The following SEMA3E variants were observed in gnomAD, a reference collection of about 807,000 sequenced individuals.
The protein encoded by SEMA3E is semaphorin-3E.
SEMA3E carries 49 observed loss-of-function variants against 93.6 expected under a neutral mutation model. The ratio of observed to expected loss-of-function variants is 0.52; its 90% CI spans 0.42 to 0.66. SEMA3E has a LOEUF of 0.66. Among genes scored for constraint, SEMA3E ranks in the 30% least tolerant of loss-of-function variants. SEMA3E has a pLI of 0.00. For synonymous variants in SEMA3E, 363 were observed against 330.7 expected (o/e 1.10, Z -1.06); for missense variants, 906 against 964.8 (o/e 0.94, Z 0.81).
At chr7:83,431,103 A>AAGAG (rs1554324403) in intron 4 of SEMA3E, among the ~76,000 whole-genome samples, 1 of 147,334 alleles carries the variant, frequency 6.8e-6, no homozygotes, top group African/African-American at 2.5e-5. Context: ...AGAAAAAAAA[A>AAGAG]AAAAGCCCAA....
chr7:83,411,009 T>G (rs1788429416), intron 5 of SEMA3E, among the ~76,000 whole-genome samples: 1 of 152,104 alleles, frequency 6.6e-6, no homozygotes, highest in Non-Finnish European at 1.5e-5. Flanking sequence ...TTTGATTTTA[T>G]ATCTTAAAGT....
intron 1 of SEMA3E, among the ~76,000 whole-genome samples, chr7:83,546,130 CTTTTA>C (rs763224635): frequency 9.4e-5 from 14 of 148,752 alleles, no homozygotes; most frequent in Admixed American, 1.4e-4. Flanking sequence ...AAACTGCAGG[CTTTTA>C]TTTGGGAAAA....
At chr7:83,614,285 C>A (rs766510457) in intron 1 of SEMA3E, among the ~76,000 whole-genome samples, 1 of 152,072 alleles carries the variant, frequency 6.6e-6, no homozygotes, top group Non-Finnish European at 1.5e-5. Context: ...TTTTATTCCC[C>A]GTTCAGCACT....
chr7:83,645,880 G>A (rs1794073352), intron 1 of SEMA3E, among the ~76,000 whole-genome samples: 1 of 151,806 alleles, frequency 6.6e-6, no homozygotes, highest in African/African-American at 2.4e-5. Context: ...TTTTTTTTCT[G>A]AACATATTTT....
intron 1 of SEMA3E, among the ~76,000 whole-genome samples, chr7:83,621,975 G>A (rs1793569724): frequency 6.6e-6 from 1 of 152,080 alleles, no homozygotes; most frequent in Admixed American, 6.6e-5. Flanking sequence ...TGCAACAAAT[G>A]CAAATCTTGA....
intron 2 of SEMA3E, among the ~76,000 whole-genome samples, chr7:83,473,741 T>G (rs1372899854): frequency 6.6e-6 from 1 of 152,226 alleles, no homozygotes; most frequent in East Asian, 1.9e-4. Context: ...GAATGATTCC[T>G]ATAGGTATTT....
intron 10 of SEMA3E, among the ~76,000 whole-genome samples, chr7:83,401,421 A>C (rs1310651679): frequency 6.6e-6 from 1 of 152,010 alleles, no homozygotes; most frequent in Non-Finnish European, 1.5e-5. Flanking sequence ...TGGATTTTTC[A>C]CTTGAGTGTA....
chr7:83,443,740 G>T (rs1017786305), intron 4 of SEMA3E, among the ~76,000 whole-genome samples: 1 of 151,758 alleles, frequency 6.6e-6, no homozygotes, highest in Non-Finnish European at 1.5e-5. Context: ...AATTTAAAGA[G>T]TATTCAAATA....
At chr7:83,629,460 C>T (rs767167737) in intron 1 of SEMA3E, among the ~76,000 whole-genome samples, 1 of 152,160 alleles carries the variant, frequency 6.6e-6, no homozygotes, top group South Asian at 2.1e-4. Context: ...CTGCCTGGGG[C>T]TGCTGCCTTT....
chr7:83,615,337 GA>G (rs1793342854), intron 1 of SEMA3E, among the ~76,000 whole-genome samples: 1 of 152,012 alleles, frequency 6.6e-6, no homozygotes, highest in African/African-American at 2.4e-5. Flanking sequence ...ATTCATATGA[GA>G]TTTTTTTTTA....
At chr7:83,462,297 C>G (rs1789642943) in intron 4 of SEMA3E, 1 of 152,218 alleles carries the variant, frequency 6.6e-6, no homozygotes, top group Admixed American at 6.5e-5. Flanking sequence ...GCCTCCATAA[C>G]TGTTGTGGGT....
intron 1 of SEMA3E, among the ~76,000 whole-genome samples, chr7:83,508,840 T>C (rs188272150): frequency 6.6e-6 from 1 of 152,310 alleles, no homozygotes; most frequent in East Asian, 1.9e-4. Flanking sequence ...TCCAATGTAA[T>C]TGACTACCCT....
chr7:83,383,425 C>T (rs1787819224), intron 16 of SEMA3E, among the ~76,000 whole-genome samples: 1 of 151,840 alleles, frequency 6.6e-6, no homozygotes, highest in Non-Finnish European at 1.5e-5. Flanking sequence ...AGTTATTCTG[C>T]TTTGTGTATA....
chr7:83,501,680 C>T (rs751451298), intron 1 of SEMA3E, among the ~76,000 whole-genome samples: 24 of 152,108 alleles, frequency 1.6e-4, no homozygotes, highest in Non-Finnish European at 2.9e-4. Context: ...TCTACTTCTT[C>T]GTCTGATCAT....
At position 83,400,171 on chromosome 7, in the gene SEMA3E, T is replaced by C; in HGVS notation, c.1223A>G (p.His408Arg). 6.2e-7 allele frequency: 1 copy of C among 1,614,012 alleles called. No individual in the cohort carries two copies. Among genetic ancestry groups the C allele is most frequent in the Non-Finnish European group, 8.5e-7 (1 of 1,179,958 alleles). The change falls in exon 11 of 17, where the codon CAT (histidine) becomes CGT (arginine). Residue 408 changes from histidine to arginine, a missense_variant. His to Arg is a conservative substitution (Grantham distance 29). Coordinates refer to ENST00000643230, the MANE Select transcript of SEMA3E (RefSeq NM_012431.3). ...PDDAIRFARS[H>R]PLMYQAIKPA... ...TTTTATGGCCTGGTACATTAGTGGA[T>C]GACTTCTTGCAAATCGGATGGCATC...
At chr7:83,398,857 T>G (rs1423074763) in intron 11 of SEMA3E, among the ~76,000 whole-genome samples, 2 of 151,998 alleles carry the variant, frequency 1.3e-5, no homozygotes, top group East Asian at 3.9e-4. Context: ...AGCAGGAGAA[T>G]CGCTTGAGCC....
chr7:83,487,682 CGTGTGTGTGTGTGT>C (rs71074667), intron 2 of SEMA3E, among the ~76,000 whole-genome samples: 1 of 144,434 alleles, frequency 6.9e-6, no homozygotes, highest in Non-Finnish European at 1.5e-5. Context: ...GGCAGGAGGT[CGTGTGTGTGTGTGT>C]GTGTGTGTGT....
chr7:83,448,036 TA>T, intron 4 of SEMA3E, among the ~76,000 whole-genome samples: 1 of 152,152 alleles, frequency 6.6e-6, no homozygotes, highest in African/African-American at 2.4e-5. Flanking sequence ...GTTAACACAA[TA>T]AATGAGTAAA....
Position 83,364,881 on chromosome 7 carries a change from C to G in SEMA3E, c.*2705G>C, listed in dbSNP as rs147503244. 438 of 152,316 alleles carry G rather than the reference C, an allele frequency of 2.9e-3. 2 individuals are homozygous for G. The highest frequency in any genetic ancestry group is 8.5e-3 in the African/African-American group (355 of 41,568). 9.4% of individuals were successfully genotyped at this position (152,316 alleles called of 1,614,324 possible). A position where few individuals can be genotyped will look rare whatever the true frequency, so the allele number is the denominator to read the frequency against. ...AATTTGGTGAGATGAAGGGTGAACT[C>G]TTAATTCCTCCAAGTCTTGTAGGTA... On this transcript the variant is annotated 3_prime_UTR_variant, in exon 17 of 17. Transcript: ENST00000643230.
Sources: allele counts gnomAD v4.1 joint callset (sites outside exome capture counted in the v4.1 genomes callset), GRCh38; gene constraint gnomAD v4.1.1; transcripts MANE v1.5; gene names NCBI Gene and HGNC (gene_info 2026-07-23, HGNC 2026-07-21).